The following KLHL1 variants were observed in gnomAD, a reference collection of about 807,000 sequenced individuals.
KLHL1 encodes the protein kelch-like protein 1.
KLHL1 carries 47 observed loss-of-function variants against 77.7 expected under a neutral mutation model. That is an observed-to-expected ratio of 0.60 (90% confidence interval 0.48 to 0.77). The LOEUF is 0.77. KLHL1 is among the 30% of genes least tolerant of loss of function. KLHL1 has a pLI of 0.00. For missense variants in KLHL1, 925 were observed against 910.8 expected (o/e 1.02, Z -0.20); for synonymous variants, 360 against 325.2 (o/e 1.11, Z -1.15).
chr13:69,910,454 T>C (rs1447704076), intron 4 of KLHL1, among the ~76,000 whole-genome samples: 2 of 152,216 alleles, frequency 1.3e-5, no homozygotes, highest in African/African-American at 4.8e-5. Context: ...ACAAGGGTTT[T>C]CAATTGTTTG....
At chr13:69,790,456 T>A (rs1180110816) in intron 7 of KLHL1, among the ~76,000 whole-genome samples, 1 of 152,144 alleles carries the variant, frequency 6.6e-6, no homozygotes, top group Non-Finnish European at 1.5e-5. Context: ...ATGGTGCCAA[T>A]ATTACCTTGA....
chr13:69,864,879 C>G (rs76252327), intron 5 of KLHL1, among the ~76,000 whole-genome samples: 237 of 152,052 alleles, frequency 1.6e-3, no homozygotes, highest in African/African-American at 5.5e-3. Flanking sequence ...CTGTAAGAAC[C>G]CTGAGGAAGA....
intron 7 of KLHL1, among the ~76,000 whole-genome samples, chr13:69,777,495 T>C (rs184543415): frequency 1.3e-5 from 2 of 152,336 alleles, no homozygotes; most frequent in Admixed American, 1.3e-4. Flanking sequence ...AGGATATTTT[T>C]CATATTTTAA....
intron 6 of KLHL1, among the ~76,000 whole-genome samples, chr13:69,813,218 G>C (rs867028658): frequency 3.0e-4 from 45 of 151,498 alleles, no homozygotes; most frequent in Non-Finnish European, 3.1e-4. Flanking sequence ...GCAAACTATC[G>C]CAAGGACAAA....
At chr13:69,720,321 T>C (rs947027779) in intron 8 of KLHL1, among the ~76,000 whole-genome samples, 1 of 152,154 alleles carries the variant, frequency 6.6e-6, no homozygotes, top group African/African-American at 2.4e-5. Context: ...CTTCCCCATT[T>C]AATCATAGTC....
chr13:69,908,622 T>C (rs1184239057), intron 4 of KLHL1, among the ~76,000 whole-genome samples: 1 of 151,414 alleles, frequency 6.6e-6, no homozygotes, highest in African/African-American at 2.4e-5. Context: ...TTATGAATTA[T>C]TGCATATGTT....
At position 69,969,935 on chromosome 13, in the gene KLHL1, A is replaced by C. The variant is rs1397325769; in HGVS notation, c.680+5685T>G. Among the ~76,000 whole-genome samples the C allele has an allele frequency of 2.4e-3, 4 of 1,696 alleles. No homozygotes were observed. The South Asian group carries it at 0.5, about 212-fold the overall frequency. The allele number at this position is 1,696 out of a possible 152,430, so 1.1% of individuals were successfully genotyped here. On this transcript the variant is annotated intron_variant, in intron 2 of 10. Coordinates refer to ENST00000377844, the MANE Select transcript of KLHL1 (RefSeq NM_020866.3). The stretch of plus-strand genomic sequence containing the variant: ...AAATTTATTTCCTTCAAATCGATTA[A>C]ACTTTTTAAGTTCCACTTCAATTTA...
chr13:69,821,227 C>T (rs376712172), intron 6 of KLHL1, among the ~76,000 whole-genome samples: 3 of 151,996 alleles, frequency 2.0e-5, no homozygotes, highest in Non-Finnish European at 4.4e-5. Context: ...TTTAAAATAT[C>T]CATAAATCAT....
At chr13:69,926,946 C>CAAAAAAAA (rs71116960) in intron 4 of KLHL1, among the ~76,000 whole-genome samples, 371 of 36,006 alleles carry the variant, frequency 0.01, 109 homozygotes, top group Non-Finnish European at 0.013. Flanking sequence ...GACTCCATCT[C>CAAAAAAAA]AAAAAAAAAA....
chr13:69,791,239 A>AAAT lies in KLHL1; in HGVS notation c.1639+5496_1639+5498dup, dbSNP rs142745982. 4.6e-3 allele frequency among the ~76,000 whole-genome samples: 697 copies of AAAT among 152,240 alleles called. 6 individuals are homozygous for AAAT. The highest frequency in any genetic ancestry group is 0.016 in the African/African-American group (672 of 41,570). On this transcript the variant is annotated intron_variant, in intron 7 of 10. Transcript: ENST00000377844. The stretch of plus-strand genomic sequence containing the variant: ...ACAATCACATTGATAATAATATCAA[A>AAAT]AATAAATTATTTAGGAATAAATTTA...
At chr13:69,815,003 C>A (rs1878057830) in intron 6 of KLHL1, among the ~76,000 whole-genome samples, 1 of 151,656 alleles carries the variant, frequency 6.6e-6, no homozygotes, top group South Asian at 2.1e-4. Context: ...GAGTGAGACT[C>A]CGTCTCTAAA....
At chr13:69,958,613 A>C (rs1883965945) in intron 3 of KLHL1, among the ~76,000 whole-genome samples, 1 of 151,906 alleles carries the variant, frequency 6.6e-6, no homozygotes, top group East Asian at 1.9e-4. Context: ...TATATGTTTA[A>C]ATCATTTGAA....
chr13:69,961,473 T>C, intron 2 of KLHL1, 29 bp from the exon 3 acceptor site: 1 of 1,611,224 alleles, frequency 6.2e-7, no homozygotes, highest in Non-Finnish European at 8.5e-7. Flanking sequence ...CTAATTTAGG[T>C]CGTGAATGTA....
chr13:69,855,718 C>G (rs1473104034), intron 5 of KLHL1, among the ~76,000 whole-genome samples: 1 of 151,238 alleles, frequency 6.6e-6, no homozygotes, highest in Non-Finnish European at 1.5e-5. Flanking sequence ...TGAGGCCTCA[C>G]CAGCCATGCC....
intron 1 of KLHL1, among the ~76,000 whole-genome samples, chr13:70,044,910 T>C (rs1055002842): frequency 6.6e-6 from 1 of 152,214 alleles, no homozygotes; most frequent in Non-Finnish European, 1.5e-5. Context: ...TCCTGGGCTC[T>C]GTTTCCAGTA....
At chr13:69,901,990 G>A (rs1049722906) in intron 4 of KLHL1, among the ~76,000 whole-genome samples, 3 of 151,998 alleles carry the variant, frequency 2.0e-5, no homozygotes, top group African/African-American at 7.2e-5. Context: ...AGCAGAGACA[G>A]GGTTTCTCCA....
intron 8 of KLHL1, among the ~76,000 whole-genome samples, chr13:69,739,631 A>G (rs1386548882): frequency 6.6e-6 from 1 of 152,256 alleles, no homozygotes; most frequent in Non-Finnish European, 1.5e-5. Context: ...TTAAATCAAC[A>G]AAGATCATAA....
intron 1 of KLHL1, among the ~76,000 whole-genome samples, chr13:70,020,820 CAT>C (rs1420496870): frequency 8.7e-6 from 1 of 114,548 alleles, no homozygotes; most frequent in African/African-American, 3.1e-5. Flanking sequence ...TACACATACA[CAT>C]ATATATTCAT....
At chr13:70,101,415 C>T (rs1887919412) in intron 1 of KLHL1, among the ~76,000 whole-genome samples, 1 of 151,792 alleles carries the variant, frequency 6.6e-6, no homozygotes, top group Non-Finnish European at 1.5e-5. Flanking sequence ...AAATCCAATT[C>T]AATAGCCGTA....
Sources: allele counts gnomAD v4.1 joint callset (sites outside exome capture counted in the v4.1 genomes callset), GRCh38; gene constraint gnomAD v4.1.1; transcripts MANE v1.5; gene names NCBI Gene and HGNC (gene_info 2026-07-23, HGNC 2026-07-21).